The following AK8 variants were observed in gnomAD, a reference collection of about 807,000 sequenced individuals.
The protein encoded by AK8 is ATP-AMP transphosphorylase 8.
Under a neutral mutation model 54.6 loss-of-function variants are expected in AK8, and 44 were observed. The observed-to-expected ratio is 0.81, with a 90% CI of 0.63 to 1.04. The LOEUF is 1.04. AK8 is among the 50% of genes least tolerant of loss of function. The probability of loss-of-function intolerance (pLI) is 0.00; values close to 1 mark genes in which losing one functional copy is unlikely to be tolerated. For missense variants in AK8, 555 were observed against 613.6 expected, an observed-to-expected ratio of 0.90 and a Z score of 1.01; for synonymous variants, 239 against 245.6, an observed-to-expected ratio of 0.97 and a Z score of 0.25.
At chr9:132,740,719 G>A (rs972459544) in intron 11 of AK8, among the ~76,000 whole-genome samples, 4 of 149,622 alleles carry the variant, frequency 2.7e-5, no homozygotes, top group African/African-American at 7.4e-5. Context: ...GCACCCCCCC[G>A]CCCCACTCTG....
intron 5 of AK8, among the ~76,000 whole-genome samples, chr9:132,849,839 A>G (rs1318723342): frequency 2.7e-5 from 4 of 150,414 alleles, no homozygotes; most frequent in African/African-American, 7.4e-5. Context: ...CTCCTCCTCC[A>G]GGTTCAAGCG....
rs1038311728 is a variant in AK8 at position 132,825,713 on chromosome 9, G to C, written c.757+1141C>G. Among the ~76,000 whole-genome samples the C allele has an allele frequency of 3.3e-5, 5 of 152,332 alleles. 1 individual carries two copies. The highest frequency in any genetic ancestry group is 1.9e-4 in the East Asian group (1 of 5,188). On this transcript the variant is annotated intron_variant, in intron 8 of 12. Coordinates refer to ENST00000298545, the MANE Select transcript of AK8 (RefSeq NM_152572.3). ...GTTTAAGCACCGAGTCTACCAGCAG[G>C]AGAAGGTGCTGGGAAAGTCAGCAGG... is the stretch of plus-strand genomic sequence containing the variant.
chr9:132,828,646 G>A lies in AK8; in HGVS notation c.483C>T (p.Val161=), dbSNP rs148608006. The A allele has an allele frequency of 1.2e-6, 2 of 1,611,098 alleles. No homozygotes were observed. Among genetic ancestry groups the A allele is most frequent in the African/African-American group, 2.7e-5 (2 of 74,880 alleles). Residue 161 remains valine (V), a splice_region_variant and synonymous_variant, in exon 6 of 13, where the codon GTC becomes GTT. Coordinates refer to ENST00000298545, the MANE Select transcript of AK8 (RefSeq NM_152572.3). Reference sequence around the variant, plus strand: ...GGGGGACCCTTGGGAGCTACTCACTGACGTGTCTGGGTGTGATCCCCAGGG... The same window carrying A: ...GGGGGACCCTTGGGAGCTACTCACTAACGTGTCTGGGTGTGATCCCCAGGG... ...IQTLGITPRH[V]IVLSAPDTVL... is the part of the protein sequence containing the mutation.
intron 8 of AK8, 88 bp from the exon 9 acceptor site, chr9:132,823,424 G>A (rs1191449823): frequency 9.1e-6 from 14 of 1,545,146 alleles, no homozygotes; most frequent in African/African-American, 1.4e-5. Flanking sequence ...CTCTTTTAAC[G>A]GCAGTAACTC....
intron 11 of AK8, among the ~76,000 whole-genome samples, chr9:132,778,636 G>A (rs193261883): frequency 1.3e-5 from 2 of 152,272 alleles, no homozygotes; most frequent in African/African-American, 4.8e-5. Flanking sequence ...GTTTCAATGT[G>A]TTGTCCCCCA....
At chr9:132,827,215 A>T in intron 7 of AK8, 161 bp from the exon 8 acceptor site, 1 of 665,966 alleles carries the variant, frequency 1.5e-6, no homozygotes, top group Non-Finnish European at 2.6e-6. Context: ...CAGCACTTCC[A>T]GCTACTCTGA....
At chr9:132,782,473 T>C (rs1839519512) in intron 11 of AK8, among the ~76,000 whole-genome samples, 1 of 152,178 alleles carries the variant, frequency 6.6e-6, no homozygotes, top group Non-Finnish European at 1.5e-5. Context: ...GTGGATCACC[T>C]GAGGTCAGGA....
intron 11 of AK8, chr9:132,769,437 C>G (rs1838861925): frequency 6.6e-6 from 1 of 152,222 alleles, no homozygotes; most frequent in East Asian, 1.9e-4. Flanking sequence ...TGAACACTTT[C>G]CCGGGAGGGA....
At chr9:132,730,695 T>G (rs1836802455) in intron 11 of AK8, among the ~76,000 whole-genome samples, 1 of 152,084 alleles carries the variant, frequency 6.6e-6, no homozygotes, top group Non-Finnish European at 1.5e-5. Flanking sequence ...GGGTCAGGGA[T>G]TCTGAGCCAG....
At chr9:132,789,245 A>G (rs1289297770) in intron 11 of AK8, among the ~76,000 whole-genome samples, 3 of 152,044 alleles carry the variant, frequency 2.0e-5, no homozygotes, top group African/African-American at 7.2e-5. Flanking sequence ...CAGTGAGCCA[A>G]GATCGCGCCA....
intron 3 of AK8, among the ~76,000 whole-genome samples, chr9:132,866,056 C>T (rs576058107): frequency 2.0e-5 from 3 of 148,946 alleles, no homozygotes; most frequent in Admixed American, 6.7e-5. Context: ...AAATTAGCCG[C>T]GCATGGTGGT....
intron 8 of AK8, among the ~76,000 whole-genome samples, chr9:132,823,841 TG>T (rs1841761771): frequency 6.6e-6 from 1 of 152,246 alleles, no homozygotes; most frequent in African/African-American, 2.4e-5. Context: ...TCCAGCCACA[TG>T]GGGGCCCAGT....
intron 11 of AK8, among the ~76,000 whole-genome samples, chr9:132,755,144 A>G (rs1236968884): frequency 2.0e-5 from 3 of 152,172 alleles, no homozygotes; most frequent in Admixed American, 6.5e-5. Context: ...AGCTGACAGG[A>G]GCAAGCACTT....
chr9:132,792,850 G>A lies in AK8; in HGVS notation c.980-75C>T, dbSNP rs932379300. On this transcript the variant is annotated intron_variant, in intron 10 of 12. Transcript: ENST00000298545. ...GTCCTGGGCTTCCTAACTTTACTTG[G>A]CCATAGATTGAGCTGCTGAAGAAGT... 6.8e-6 allele frequency: 10 copies of A among 1,479,302 alleles called. No homozygotes were observed. In the East Asian group the frequency reaches 2.0e-4, roughly 30 times the overall value. The allele number at this position is 1,479,302 out of a possible 1,614,324, so 91.6% of individuals were successfully genotyped here.
intron 11 of AK8, among the ~76,000 whole-genome samples, chr9:132,760,106 C>A (rs1350392982): frequency 6.6e-6 from 1 of 152,152 alleles, no homozygotes; most frequent in Non-Finnish European, 1.5e-5. Context: ...AATAAACTTA[C>A]ACAGTTTTTC....
chr9:132,773,097 G>C (rs1839058912), intron 11 of AK8, among the ~76,000 whole-genome samples: 1 of 152,180 alleles, frequency 6.6e-6, no homozygotes, highest in African/African-American at 2.4e-5. Context: ...CAAGGTCTAT[G>C]GTCTCCTGTG....
At chr9:132,778,943 T>C (rs1695822044) in intron 11 of AK8, among the ~76,000 whole-genome samples, 2 of 147,254 alleles carry the variant, frequency 1.4e-5, no homozygotes, top group African/African-American at 5.2e-5. Context: ...TTTGACTATT[T>C]TGGGGTCATT....
At chr9:132,852,769 CAAAAAA>C (rs35786801) in intron 5 of AK8, among the ~76,000 whole-genome samples, 2 of 16,424 alleles carry the variant, frequency 1.2e-4, no homozygotes, top group South Asian at 3.0e-3. Context: ...GATTAGGTCT[CAAAAAA>C]AAAAAAAAAA....
At position 132,828,047 on chromosome 9, in the gene AK8, T is replaced by A; in HGVS notation, c.522A>T (p.Arg174Ser). 1 of 1,572,424 alleles carries A rather than the reference T, an allele frequency of 6.4e-7. No homozygotes were observed. The highest frequency in any genetic ancestry group is 8.6e-7 in the Non-Finnish European group (1 of 1,157,628). ...GAGGGTCGATTCTCTTCCCCAAGTT[T>A]CTCTCGATCAGGACCGTGTCTGGAG... ...LSAPDTVLIE[R>S]NLGKRIDPQT... Residue 174 changes from arginine to serine, a missense_variant, in exon 7 of 13, where the codon AGA (arginine) becomes AGT (serine). By Grantham distance (110) the Arg-to-Ser change is moderately radical. Transcript: ENST00000298545.
Sources: gnomAD v4.1 joint callset for allele counts (sites outside exome capture counted in the v4.1 genomes callset) on GRCh38, gnomAD v4.1.1 for gene constraint, MANE v1.5 for transcripts, NCBI Gene and HGNC (gene_info 2026-07-23, HGNC 2026-07-21) for gene names.